The following PDE11A variants were observed in gnomAD, a reference collection of about 807,000 sequenced individuals.
The protein encoded by PDE11A is phosphodiesterase 11A.
In PDE11A, 100 loss-of-function variants were observed where a neutral mutation model predicts 100.5. That is an observed-to-expected ratio of 1.00 (90% CI 0.85 to 1.18). The LOEUF (loss-of-function observed/expected upper bound fraction) is 1.18. Ranked by LOEUF, PDE11A falls within the 50% of genes most tolerant of loss-of-function variation. PDE11A has a pLI of 0.00. For synonymous variants in PDE11A, 381 were observed against 420.8 expected (o/e 0.91, Z 1.16); for missense variants, 1,141 against 1,152.6 (o/e 0.99, Z 0.15).
chr2:177,708,680 C>A (rs1217491972), intron 13 of PDE11A, among the ~76,000 whole-genome samples: 2 of 152,196 alleles, frequency 1.3e-5, no homozygotes, highest in Non-Finnish European at 2.9e-5. Flanking sequence ...GAGGTTGCAT[C>A]TGTTAAAGAA....
chr2:177,892,988 A>G (rs1170674305), intron 4 of PDE11A, among the ~76,000 whole-genome samples: 1 of 152,046 alleles, frequency 6.6e-6, no homozygotes, highest in Non-Finnish European at 1.5e-5. Flanking sequence ...TTTTCCTGCC[A>G]TGATGCCTGG....
chr2:177,954,405 C>T (rs947241647), intron 2 of PDE11A, among the ~76,000 whole-genome samples: 3 of 151,968 alleles, frequency 2.0e-5, no homozygotes, highest in African/African-American at 4.8e-5. Flanking sequence ...AAAAGTCACT[C>T]GTAATATAAA....
intron 1 of PDE11A, among the ~76,000 whole-genome samples, chr2:178,019,434 C>T (rs996454903): frequency 9.2e-5 from 14 of 151,614 alleles, no homozygotes; most frequent in African/African-American, 2.7e-4. Context: ...TGTTATTTTC[C>T]CATTTGAAGT....
chr2:178,001,586 T>C (rs2086146027), intron 2 of PDE11A, among the ~76,000 whole-genome samples: 2 of 152,202 alleles, frequency 1.3e-5, no homozygotes, highest in Admixed American at 1.3e-4. Context: ...TCTAGGTCTC[T>C]AGAACATACA....
At chr2:177,826,176 C>T (rs771706380) in intron 6 of PDE11A, among the ~76,000 whole-genome samples, 67 of 152,156 alleles carry the variant, frequency 4.4e-4, no homozygotes, top group Non-Finnish European at 7.9e-4. Context: ...AAAGATATGT[C>T]TACTTAAAAA....
chr2:178,018,235 G>A, intron 1 of PDE11A: 1 of 410,710 alleles, frequency 2.4e-6, no homozygotes. Flanking sequence ...TCCAGCTGCT[G>A]CTTTGAATCC....
intron 2 of PDE11A, chr2:177,998,548 C>A (rs545853039): frequency 1.5e-6 from 2 of 1,321,558 alleles, no homozygotes; most frequent in Admixed American, 3.4e-5. Flanking sequence ...ATAGATACAT[C>A]TTCATCTTCA....
rs1356681979 is a variant in PDE11A at position 178,016,195 on chromosome 2, G to A, written c.913-1735C>T. Among the ~76,000 whole-genome samples the A allele has an allele frequency of 2.2e-5, 3 of 138,176 alleles. No individual in the cohort carries two copies. In the East Asian group the frequency reaches 6.5e-4, roughly 30 times the overall value. 90.6% of individuals were successfully genotyped at this position (138,176 alleles called of 152,430 possible). A position where few individuals can be genotyped will look rare whatever the true frequency, so the allele number is the denominator to read the frequency against. ...ATGGGGTTTCACCATATTGGCCAAG[G>A]TGGTCTCGAACTCCTGACCGCAGGT... On this transcript the variant is annotated intron_variant, in intron 1 of 19. Transcript: ENST00000286063.
At chr2:177,857,780 GT>G (rs1321963957) in intron 5 of PDE11A, among the ~76,000 whole-genome samples, 1 of 151,998 alleles carries the variant, frequency 6.6e-6, no homozygotes, top group Non-Finnish European at 1.5e-5. Flanking sequence ...ATTTTACACT[GT>G]CTACAAGGGA....
chr2:177,674,092 A>C (rs7593744), intron 17 of PDE11A, among the ~76,000 whole-genome samples: 132,644 of 152,178 alleles, frequency 0.87, 57,902 homozygotes, highest in East Asian at 0.98. Flanking sequence ...CTGATGCATC[A>C]TGTGAAGGAA....
At chr2:177,861,400 A>C (rs1209911013) in intron 5 of PDE11A, among the ~76,000 whole-genome samples, 2 of 151,878 alleles carry the variant, frequency 1.3e-5, no homozygotes, top group African/African-American at 4.8e-5. Context: ...TTAAAACTAC[A>C]AAACATTGCT....
At chr2:178,039,343 C>A (rs2086655797) in intron 1 of PDE11A, among the ~76,000 whole-genome samples, 1 of 151,730 alleles carries the variant, frequency 6.6e-6, no homozygotes, top group South Asian at 2.1e-4. Context: ...ACTCATGAAC[C>A]CAAAAAAGGG....
chr2:177,726,799 G>A (rs2081606143), intron 12 of PDE11A, among the ~76,000 whole-genome samples: 1 of 151,300 alleles, frequency 6.6e-6, no homozygotes, highest in African/African-American at 2.4e-5. Context: ...ATTTTATGTT[G>A]GAAGAGTCCA....
intron 5 of PDE11A, among the ~76,000 whole-genome samples, chr2:177,844,545 T>G (rs546377062): frequency 7.2e-5 from 11 of 151,896 alleles, no homozygotes; most frequent in African/African-American, 2.2e-4. Context: ...ATTAATTAAT[T>G]TATTTATTTT....
chr2:177,720,858 T>C (rs969798290), intron 12 of PDE11A, among the ~76,000 whole-genome samples: 12 of 152,134 alleles, frequency 7.9e-5, no homozygotes, highest in Non-Finnish European at 1.6e-4. Context: ...TGACTTTCTT[T>C]CCCAACCAGA....
intron 1 of PDE11A, among the ~76,000 whole-genome samples, chr2:178,058,180 C>G (rs577644952): frequency 6.6e-6 from 1 of 152,280 alleles, no homozygotes; most frequent in African/African-American, 2.4e-5. Context: ...ATTAGCTAAA[C>G]CCCCTGGTCC....
At chr2:178,082,894 G>T (rs1239550412) in intron 2 of PDE11A, among the ~76,000 whole-genome samples, 1 of 152,046 alleles carries the variant, frequency 6.6e-6, no homozygotes, top group Non-Finnish European at 1.5e-5. Flanking sequence ...AGTTAGCCAG[G>T]GAGAAAGTGT....
chr2:177,636,115 G>A (rs574470992), intron 19 of PDE11A, among the ~76,000 whole-genome samples: 1 of 152,118 alleles, frequency 6.6e-6, no homozygotes. Context: ...TTTTACTTAA[G>A]ATATATAGCA....
intron 10 of PDE11A, 104 bp downstream of exon 10, chr2:177,769,219 C>T (rs2105501369): frequency 1.3e-6 from 1 of 786,452 alleles, no homozygotes. Context: ...AGTCCTCCAG[C>T]TCCCAATGGG....
Sources: allele counts gnomAD v4.1 joint callset (sites outside exome capture counted in the v4.1 genomes callset), GRCh38; gene constraint gnomAD v4.1.1; transcripts MANE v1.5; gene names NCBI Gene and HGNC (gene_info 2026-07-23, HGNC 2026-07-21).